The following GPM6A variants were observed in gnomAD, a reference collection of about 807,000 sequenced individuals.
GPM6A encodes the protein neuronal membrane glycoprotein M6-a.
Under a neutral mutation model 32.1 loss-of-function variants are expected in GPM6A, and 7 were observed. That is an observed-to-expected ratio of 0.22 (90% CI 0.12 to 0.41). The LOEUF (loss-of-function observed/expected upper bound fraction) is 0.41. GPM6A is among the 10% of genes least tolerant of loss of function. The pLI is 1.00. For missense variants in GPM6A, 235 were observed against 347.2 expected, an observed-to-expected ratio of 0.68 and a Z score of 2.57; for synonymous variants, 130 against 123.4, an observed-to-expected ratio of 1.05 and a Z score of -0.35.
chr4:175,885,322 A>C (rs1406616889), intron 1 of GPM6A, among the ~76,000 whole-genome samples: 1 of 152,246 alleles, frequency 6.6e-6, no homozygotes, highest in Non-Finnish European at 1.5e-5. Flanking sequence ...AACAGACAAA[A>C]GTAATTGATG....
chr4:175,788,368 A>G (rs1447060133), intron 1 of GPM6A, among the ~76,000 whole-genome samples: 1 of 152,226 alleles, frequency 6.6e-6, no homozygotes, highest in Non-Finnish European at 1.5e-5. Context: ...CAAGGAAAAC[A>G]GTCAGTTGTT....
intron 3 of GPM6A, among the ~76,000 whole-genome samples, chr4:175,659,349 G>A (rs1742270288): frequency 6.6e-6 from 1 of 151,838 alleles, no homozygotes; most frequent in Non-Finnish European, 1.5e-5. Context: ...AAAAGTTCTG[G>A]GATTACAGGA....
chr4:175,731,947 T>C (rs982843801), intron 1 of GPM6A, among the ~76,000 whole-genome samples: 1 of 149,104 alleles, frequency 6.7e-6, no homozygotes, highest in Non-Finnish European at 1.5e-5. Context: ...CACGACTTCC[T>C]CTTTCACTTC....
chr4:175,864,405 C>A (rs570556304), intron 1 of GPM6A, among the ~76,000 whole-genome samples: 1 of 151,720 alleles, frequency 6.6e-6, no homozygotes, highest in African/African-American at 2.4e-5. Flanking sequence ...TGGACTCAAG[C>A]AGTCTGCCCA....
In GPM6A at chr4:175,660,383, C is replaced by CA. The variant is rs531049117; in HGVS notation, c.388-8397dup. 2.4e-3 allele frequency among the ~76,000 whole-genome samples: 325 copies of CA among 136,372 alleles called. 1 individual carries two copies. Among genetic ancestry groups the CA allele is most frequent in the Middle Eastern group, 0.019 (5 of 268 alleles). 89.5% of individuals were successfully genotyped at this position (136,372 alleles called of 152,430 possible). ...TGGGTGAGAGAGCAAGACTCCATCT[C>CA]AAAAAAAAAAAGAAGTATATGGACA... On this transcript the variant is annotated intron_variant, in intron 3 of 6. Transcript: ENST00000393658.
At chr4:175,644,181 T>C (rs981514096) in intron 4 of GPM6A, among the ~76,000 whole-genome samples, 1 of 144,796 alleles carries the variant, frequency 6.9e-6, no homozygotes, top group African/African-American at 2.5e-5. Context: ...CAGACTGCAG[T>C]GGCGCTATCT....
chr4:175,864,094 C>T (rs919446300), intron 1 of GPM6A, among the ~76,000 whole-genome samples: 1 of 152,132 alleles, frequency 6.6e-6, no homozygotes, highest in Non-Finnish European at 1.5e-5. Context: ...AGTGGGTTTA[C>T]AGAGATACTC....
At chr4:175,829,675 CAT>C (rs1408446929) in intron 1 of GPM6A, among the ~76,000 whole-genome samples, 32 of 145,884 alleles carry the variant, frequency 2.2e-4, no homozygotes, top group Admixed American at 1.6e-3. Context: ...ACATATAAAA[CAT>C]ATATATATTA....
intron 1 of GPM6A, among the ~76,000 whole-genome samples, chr4:175,930,888 T>C (rs1314355800): frequency 2.6e-5 from 4 of 152,138 alleles, no homozygotes; most frequent in Admixed American, 1.3e-4. Flanking sequence ...ATTTACACGA[T>C]ACCTGGCATA....
intron 1 of GPM6A, among the ~76,000 whole-genome samples, chr4:175,911,844 C>G (rs377104986): frequency 1.3e-5 from 2 of 152,122 alleles, no homozygotes; most frequent in African/African-American, 4.8e-5. Context: ...AACTTTTCTC[C>G]CCTTTCAAGT....
At chr4:175,804,904 G>A (rs1353628305) in intron 1 of GPM6A, among the ~76,000 whole-genome samples, 1 of 152,066 alleles carries the variant, frequency 6.6e-6, no homozygotes, top group Non-Finnish European at 1.5e-5. Context: ...AATTAGCTGG[G>A]TGTGGTGGCG....
chr4:175,812,535 C>T, upstream of GPM6A: 1 of 1,075,114 alleles, frequency 9.3e-7, no homozygotes, highest in Non-Finnish European at 1.1e-6. Flanking sequence ...AACAAATAGC[C>T]TGAGAATTTT....
intron 1 of GPM6A, among the ~76,000 whole-genome samples, chr4:175,721,702 G>GATGAAAA (rs1160981727): frequency 3.9e-5 from 6 of 152,066 alleles, no homozygotes; most frequent in Non-Finnish European, 8.8e-5. Context: ...CTGTATTCTC[G>GATGAAAA]ATGAAAAACT....
chr4:175,735,501 T>C (rs541058798), intron 1 of GPM6A, among the ~76,000 whole-genome samples: 19 of 152,002 alleles, frequency 1.2e-4, no homozygotes, highest in African/African-American at 4.6e-4. Flanking sequence ...AAATCATTAA[T>C]CAAAAGTAGA....
chr4:175,879,552 T>C (rs1320044001), intron 1 of GPM6A, among the ~76,000 whole-genome samples: 1 of 152,100 alleles, frequency 6.6e-6, no homozygotes, highest in East Asian at 1.9e-4. Flanking sequence ...TGAGAACTCA[T>C]TCACTATCAT....
chr4:175,800,733 C>A (rs1734440195), intron 1 of GPM6A: 1 of 192,906 alleles, frequency 5.2e-6, no homozygotes, highest in South Asian at 7.0e-5. Context: ...GGGTTACATT[C>A]AATACTGAAA....
intron 1 of GPM6A, among the ~76,000 whole-genome samples, chr4:175,779,239 A>T (rs569098593): frequency 1.3e-5 from 2 of 152,150 alleles, no homozygotes; most frequent in East Asian, 1.9e-4. Flanking sequence ...TGCAATCGTT[A>T]CCCATTTGAT....
intron 1 of GPM6A, among the ~76,000 whole-genome samples, chr4:175,728,357 T>G (rs1351699162): frequency 1.3e-5 from 2 of 152,280 alleles, no homozygotes; most frequent in Middle Eastern, 3.4e-3. Context: ...CAAAAAGACT[T>G]CATCGAACAT....
chr4:175,725,103 C>T (rs1006857805), intron 1 of GPM6A, among the ~76,000 whole-genome samples: 1 of 152,140 alleles, frequency 6.6e-6, no homozygotes, highest in East Asian at 1.9e-4. Flanking sequence ...ATAATGTAAA[C>T]TCCGGATTCT....
Sources: gnomAD v4.1 joint callset for allele counts (sites outside exome capture counted in the v4.1 genomes callset) on GRCh38, gnomAD v4.1.1 for gene constraint, MANE v1.5 for transcripts, NCBI Gene and HGNC (gene_info 2026-07-23, HGNC 2026-07-21) for gene names.